SLC24A3: variants seen among roughly 807,000 people sequenced by gnomAD.
The protein encoded by SLC24A3 is sodium/potassium/calcium exchanger 3.
In SLC24A3, 28 loss-of-function variants were observed where a neutral mutation model predicts 75.8. The observed-to-expected ratio is 0.37, with a 90% CI of 0.27 to 0.51. The LOEUF (loss-of-function observed/expected upper bound fraction) is 0.51. SLC24A3 is among the 20% of genes least tolerant of loss of function. The pLI is 0.94. For missense variants in SLC24A3, 663 were observed against 847.8 expected (o/e 0.78, Z 2.71); for synonymous variants, 372 against 334.1 (o/e 1.11, Z -1.24).
At chr20:19,618,319 G>A (rs897286150) in intron 6 of SLC24A3, among the ~76,000 whole-genome samples, 1 of 152,212 alleles carries the variant, frequency 6.6e-6, no homozygotes, top group African/African-American at 2.4e-5. Context: ...GAGGCTGGAA[G>A]TCTGAGATCA....
At chr20:19,298,135 A>G (rs990160447) in intron 2 of SLC24A3, among the ~76,000 whole-genome samples, 2 of 152,254 alleles carry the variant, frequency 1.3e-5, no homozygotes, top group Non-Finnish European at 2.9e-5. Context: ...CAGACACAGC[A>G]TCAGAGAGAG....
intron 8 of SLC24A3, among the ~76,000 whole-genome samples, chr20:19,669,299 C>G (rs2032436879): frequency 6.6e-6 from 1 of 152,014 alleles, no homozygotes; most frequent in South Asian, 2.1e-4. Flanking sequence ...GTTAGGAGTT[C>G]GAGACCAGCC....
chr20:19,368,036 T>A (rs1985927330), intron 2 of SLC24A3, among the ~76,000 whole-genome samples: 1 of 152,222 alleles, frequency 6.6e-6, no homozygotes, highest in Admixed American at 6.5e-5. Flanking sequence ...AGGTAGATAT[T>A]CAAGTGTTAA....
At chr20:19,353,561 C>A (rs915829995) in intron 2 of SLC24A3, among the ~76,000 whole-genome samples, 4 of 152,114 alleles carry the variant, frequency 2.6e-5, no homozygotes, top group Non-Finnish European at 5.9e-5. Flanking sequence ...GCTAGAGATG[C>A]AAGAACTATT....
At chr20:19,335,520 C>T (rs763822665) in intron 2 of SLC24A3, among the ~76,000 whole-genome samples, 24 of 152,164 alleles carry the variant, frequency 1.6e-4, no homozygotes, top group Non-Finnish European at 2.8e-4. Context: ...TGCCCAAGTG[C>T]TTGACTTAGC....
chr20:19,619,432 T>C (rs1033839249), intron 6 of SLC24A3, among the ~76,000 whole-genome samples: 2 of 152,178 alleles, frequency 1.3e-5, no homozygotes, highest in African/African-American at 4.8e-5. Flanking sequence ...GTACTATGCA[T>C]ATGATTTCAG....
intron 2 of SLC24A3, among the ~76,000 whole-genome samples, chr20:19,317,140 C>G: frequency 6.6e-6 from 1 of 152,142 alleles, no homozygotes; most frequent in Non-Finnish European, 1.5e-5. Flanking sequence ...AAACTGGACT[C>G]CTTCCTTACA....
intron 1 of SLC24A3, among the ~76,000 whole-genome samples, chr20:19,233,875 A>G (rs977113620): frequency 6.6e-6 from 1 of 152,124 alleles, no homozygotes; most frequent in Non-Finnish European, 1.5e-5. Flanking sequence ...CAGTTTCTTT[A>G]TCTATAGAAT....
chr20:19,496,745 C>T (rs1199232709), intron 2 of SLC24A3, among the ~76,000 whole-genome samples: 2 of 152,096 alleles, frequency 1.3e-5, no homozygotes, highest in East Asian at 1.9e-4. Context: ...GGAACTTCAG[C>T]ACAACCGAGC....
chr20:19,544,984 G>A (rs1241434313), intron 3 of SLC24A3, among the ~76,000 whole-genome samples: 1 of 152,214 alleles, frequency 6.6e-6, no homozygotes, highest in African/African-American at 2.4e-5. Context: ...CCTAGCACCA[G>A]ATCCAAGGAT....
chr20:19,316,805 AG>A (rs1984597992), intron 2 of SLC24A3, among the ~76,000 whole-genome samples: 1 of 152,228 alleles, frequency 6.6e-6, no homozygotes, highest in South Asian at 2.1e-4. Context: ...TTTTAAAAAT[AG>A]AATCTCTTGA....
Position 19,698,636 on chromosome 20 carries a change from C to T in SLC24A3, c.1675C>T (p.Leu559Phe), listed in dbSNP as rs771288779. ...NVFDILIGLGLPWALQTLAVD... is the reference protein window; with the variant it reads ...NVFDILIGLGFPWALQTLAVD... ...GTTTGACATCCTGATTGGCCTCGGT[C>T]TCCCCTGGGCTCTGCAGACCCTGGC... Residue 559 changes from leucine to phenylalanine, a missense_variant, in exon 15 of 17, where the codon CTC becomes TTC. Physicochemically the swap from Leu to Phe is conservative, Grantham distance 22. Around this residue, in one of 2 missense-constraint regions of SLC24A3, gnomAD observed 510 missense variants for 703.6 expected, o/e 0.72. Coordinates refer to ENST00000328041, the MANE Select transcript of SLC24A3 (RefSeq NM_020689.4). 1 of 1,593,100 alleles carries T rather than the reference C, an allele frequency of 6.3e-7. No homozygotes were observed. Among genetic ancestry groups the T allele is most frequent in the African/African-American group, 1.3e-5 (1 of 74,614 alleles).
chr20:19,687,682 A>T (rs2032693952), intron 12 of SLC24A3, among the ~76,000 whole-genome samples: 3 of 152,152 alleles, frequency 2.0e-5, no homozygotes, highest in South Asian at 2.1e-4. Flanking sequence ...ACAATGAAAG[A>T]TGTGTGTGTG....
chr20:19,528,769 T>A (rs2030243280), intron 3 of SLC24A3, among the ~76,000 whole-genome samples: 1 of 152,198 alleles, frequency 6.6e-6, no homozygotes, highest in Non-Finnish European at 1.5e-5. Context: ...TTTTCCTCTG[T>A]ACTGTGGACC....
chr20:19,516,503 G>C (rs1450154634), intron 3 of SLC24A3, among the ~76,000 whole-genome samples: 1 of 152,218 alleles, frequency 6.6e-6, no homozygotes, highest in Non-Finnish European at 1.5e-5. Context: ...GGAGCACAGT[G>C]GGAATGCTGC....
At chr20:19,423,525 G>T (rs2122440014) in intron 2 of SLC24A3, among the ~76,000 whole-genome samples, 1 of 152,312 alleles carries the variant, frequency 6.6e-6, no homozygotes, top group Non-Finnish European at 1.5e-5. Flanking sequence ...CAGCAGGAGG[G>T]TTTGCAGAAT....
intron 2 of SLC24A3, among the ~76,000 whole-genome samples, chr20:19,348,820 T>G (rs552616391): frequency 6.6e-6 from 1 of 152,226 alleles, no homozygotes; most frequent in South Asian, 2.1e-4. Context: ...CTGTGCTAGG[T>G]CTGTTTCACA....
chr20:19,358,276 G>A lies in SLC24A3; in HGVS notation c.271+77189G>A, dbSNP rs146840660. On this transcript the variant is annotated intron_variant, in intron 2 of 16. Transcript: ENST00000328041. ...AGTGACCTTAGGGACAGCTGCGGAG[G>A]GCAGGCCCCCGAGGTCTAAGATTGG... is the stretch of plus-strand genomic sequence containing the variant. 5.0e-3 allele frequency among the ~76,000 whole-genome samples: 766 copies of A among 152,282 alleles called. 2 individuals are homozygous for A. Among genetic ancestry groups the A allele is most frequent in the Non-Finnish European group, 8.6e-3 (588 of 68,030 alleles).
rs1422250848 is a variant in SLC24A3 at position 19,249,230 on chromosome 20, T to G, written c.143-31729T>G. Among the ~76,000 whole-genome samples, 12 of 152,302 alleles carry G rather than the reference T, an allele frequency of 7.9e-5. No homozygotes were observed. The East Asian group carries it at 1.2e-3, about 15-fold the overall frequency. On this transcript the variant is annotated intron_variant, in intron 1 of 16. Transcript: ENST00000328041. ...GTTTTATTTCTTTGTAAAACAAACT[T>G]ACCAAGAGTAGTTTGAACAGTGCTT...
Sources: gnomAD v4.1 joint callset for allele counts (sites outside exome capture counted in the v4.1 genomes callset) on GRCh38, gnomAD v4.1.1 for gene constraint, gnomAD v4.1.1 regional missense constraint, MANE v1.5 for transcripts, NCBI Gene and HGNC (gene_info 2026-07-23, HGNC 2026-07-21) for gene names.